Variants in NKAIN2 observed in about 807,000 individuals in gnomAD.
NKAIN2 encodes the protein sodium/potassium-transporting ATPase subunit beta-1-interacting protein 2.
In NKAIN2, 14 loss-of-function variants were observed where a neutral mutation model predicts 32.6. That is an observed-to-expected ratio of 0.43 (90% confidence interval 0.28 to 0.67). The LOEUF (loss-of-function observed/expected upper bound fraction) is 0.67, where lower values mean the gene tolerates loss of function less well. NKAIN2 is among the 30% of genes least tolerant of loss of function. The pLI, the probability that NKAIN2 is intolerant of heterozygous loss-of-function variation, is 0.17. For synonymous variants in NKAIN2, 80 were observed against 87.2 expected (o/e 0.92, Z 0.46); for missense variants, 198 against 258.3 (o/e 0.77, Z 1.60).
chr6:124,169,994 C>T (rs933520141), intron 1 of NKAIN2, among the ~76,000 whole-genome samples: 13 of 152,086 alleles, frequency 8.5e-5, no homozygotes, highest in African/African-American at 2.4e-4. Context: ...GTGTTTCCTT[C>T]CCAACAGTAG....
intron 1 of NKAIN2, among the ~76,000 whole-genome samples, chr6:124,240,151 TG>T: frequency 1.3e-5 from 2 of 152,044 alleles, no homozygotes; most frequent in Middle Eastern, 6.8e-3. Flanking sequence ...CTAGAAGAAA[TG>T]GATAAATTCC....
At chr6:124,228,142 C>G (rs758791083) in intron 1 of NKAIN2, among the ~76,000 whole-genome samples, 17 of 152,140 alleles carry the variant, frequency 1.1e-4, no homozygotes, top group Non-Finnish European at 2.2e-4. Flanking sequence ...CTGTTATGGA[C>G]TGAATGTTTT....
intron 5 of NKAIN2, among the ~76,000 whole-genome samples, chr6:124,792,286 A>G (rs551663008): frequency 3.0e-4 from 45 of 152,304 alleles, no homozygotes; most frequent in African/African-American, 9.9e-4. Flanking sequence ...GGAAACATCC[A>G]AAGATAAATA....
intron 1 of NKAIN2, among the ~76,000 whole-genome samples, chr6:123,961,151 A>T (rs575289255): frequency 6.6e-6 from 1 of 152,140 alleles, no homozygotes; most frequent in Non-Finnish European, 1.5e-5. Context: ...GTTGGCAACC[A>T]TAAATCTGGA....
At chr6:124,703,283 C>A (rs1774891618) in intron 4 of NKAIN2, among the ~76,000 whole-genome samples, 1 of 149,772 alleles carries the variant, frequency 6.7e-6, no homozygotes, top group African/African-American at 2.5e-5. Context: ...GAAAAAAAAA[C>A]AACAAAAAAA....
intron 4 of NKAIN2, among the ~76,000 whole-genome samples, chr6:124,687,805 C>T (rs560002680): frequency 7.0e-6 from 1 of 142,580 alleles, no homozygotes; most frequent in Non-Finnish European, 1.5e-5. Context: ...AGTTCTGTCC[C>T]TCTAGAGAAC....
Position 123,911,799 on chromosome 6 carries a change from A to ATATGTATATATATATATATG in NKAIN2, c.54+107546_54+107547insATGTATATATATATATATGT, listed in dbSNP as rs1562253388. ...CATACATACATATATATATATATAT[A>ATATGTATATATATATATATG]TGTATATATATATACACACACACAC... On this transcript the variant is annotated intron_variant, in intron 1 of 6. Transcript: ENST00000368417. 1.6e-3 allele frequency among the ~76,000 whole-genome samples: 158 copies of ATATGTATATATATATATATG among 99,260 alleles called. 4 individuals carry two copies. The highest frequency in any genetic ancestry group is 9.3e-3 in the Middle Eastern group (2 of 216). 65.1% of individuals were successfully genotyped at this position (99,260 alleles called of 152,430 possible). A position where few individuals can be genotyped will look rare whatever the true frequency, so the allele number is the denominator to read the frequency against.
intron 3 of NKAIN2, among the ~76,000 whole-genome samples, chr6:124,587,890 G>A (rs1781765649): frequency 6.6e-6 from 1 of 152,158 alleles, no homozygotes; most frequent in South Asian, 2.1e-4. Flanking sequence ...TTTCTTTCAT[G>A]AAAAATTTAA....
intron 3 of NKAIN2, among the ~76,000 whole-genome samples, chr6:124,409,660 C>T (rs555564520): frequency 5.5e-4 from 83 of 152,128 alleles, no homozygotes; most frequent in African/African-American, 2.0e-3. Context: ...ATTCTCTTTT[C>T]TTGTTGTGTC....
intron 1 of NKAIN2, among the ~76,000 whole-genome samples, chr6:123,981,770 AAGTGCAAAACACCATG>A (rs1778908970): frequency 6.6e-6 from 1 of 152,190 alleles, no homozygotes; most frequent in Non-Finnish European, 1.5e-5. Context: ...GAAGAAGGTT[AAGTGCAAAACACCATG>A]ATTTTCTTGA....
At chr6:123,973,347 A>G (rs948295603) in intron 1 of NKAIN2, among the ~76,000 whole-genome samples, 5 of 152,128 alleles carry the variant, frequency 3.3e-5, no homozygotes, top group African/African-American at 4.8e-5. Context: ...ATTTGGAGCT[A>G]TGAAGTGAAT....
chr6:124,436,538 GT>G (rs1355818499), intron 3 of NKAIN2, among the ~76,000 whole-genome samples: 5 of 152,116 alleles, frequency 3.3e-5, no homozygotes, highest in African/African-American at 9.7e-5. Flanking sequence ...ACATAGAAAC[GT>G]ATTTGAATAG....
At chr6:124,172,759 T>C (rs1219924758) in intron 1 of NKAIN2, among the ~76,000 whole-genome samples, 2 of 152,178 alleles carry the variant, frequency 1.3e-5, no homozygotes, top group Non-Finnish European at 2.9e-5. Flanking sequence ...ATTTCATATC[T>C]GAAATGGCTA....
chr6:124,589,735 T>C (rs143981525), intron 3 of NKAIN2, among the ~76,000 whole-genome samples: 55 of 152,292 alleles, frequency 3.6e-4, no homozygotes, highest in African/African-American at 1.3e-3. Flanking sequence ...TAGGTATACA[T>C]GTGCCATGGT....
At chr6:123,872,200 C>T (rs776564649) in intron 1 of NKAIN2, among the ~76,000 whole-genome samples, 4 of 152,140 alleles carry the variant, frequency 2.6e-5, no homozygotes, top group Non-Finnish European at 4.4e-5. Flanking sequence ...CAAGTAAAAG[C>T]AATTTATTAG....
chr6:124,232,638 T>G (rs1173281520), intron 1 of NKAIN2, among the ~76,000 whole-genome samples: 1 of 152,150 alleles, frequency 6.6e-6, no homozygotes, highest in East Asian at 1.9e-4. Context: ...CCCCCCACTT[T>G]CCTGATTGAA....
intron 4 of NKAIN2, among the ~76,000 whole-genome samples, chr6:124,668,808 G>A (rs1407808756): frequency 3.3e-5 from 5 of 152,212 alleles, no homozygotes; most frequent in African/African-American, 1.2e-4. Context: ...AAAATTAGAG[G>A]CAGGTTGTCA....
chr6:123,971,227 C>T (rs1233803283), intron 1 of NKAIN2, among the ~76,000 whole-genome samples: 3 of 151,952 alleles, frequency 2.0e-5, no homozygotes, highest in Non-Finnish European at 2.9e-5. Context: ...AACTAATGCT[C>T]TAGTAGCTAG....
intron 4 of NKAIN2, among the ~76,000 whole-genome samples, chr6:124,694,266 A>C (rs1229073855): frequency 6.6e-6 from 1 of 152,208 alleles, no homozygotes; most frequent in Non-Finnish European, 1.5e-5. Flanking sequence ...GAGTAGGAAT[A>C]GTACTTGAGG....
Sources: gnomAD v4.1 joint callset for allele counts (sites outside exome capture counted in the v4.1 genomes callset) on GRCh38, gnomAD v4.1.1 for gene constraint, MANE v1.5 for transcripts, NCBI Gene and HGNC (gene_info 2026-07-23, HGNC 2026-07-21) for gene names.